Variants in GALNT13 observed in about 807,000 individuals in gnomAD.
GALNT13 encodes polypeptide N-acetylgalactosaminyltransferase 13.
In GALNT13, 28 loss-of-function variants were observed where a neutral mutation model predicts 64.2. The ratio of observed to expected loss-of-function variants is 0.44; its 90% CI spans 0.32 to 0.60. GALNT13 has a LOEUF of 0.60. Among genes scored for constraint, GALNT13 ranks in the 20% least tolerant of loss-of-function variants. GALNT13 has a pLI of 0.05. For synonymous variants in GALNT13, 214 were observed against 224.6 expected (o/e 0.95, Z 0.42); for missense variants, 577 against 669.8 (o/e 0.86, Z 1.53).
chr2:154,162,924 GA>G (rs1684815938), intron 4 of GALNT13, among the ~76,000 whole-genome samples: 1 of 151,196 alleles, frequency 6.6e-6, no homozygotes, highest in African/African-American at 2.4e-5. Context: ...TTATGAAAAA[GA>G]ACAAAACTCT....
chr2:154,199,824 C>T (rs1048958595), intron 4 of GALNT13, among the ~76,000 whole-genome samples: 2 of 151,436 alleles, frequency 1.3e-5, no homozygotes, highest in Non-Finnish European at 2.9e-5. Flanking sequence ...ATTTTTTGGC[C>T]CTAGGGTAAG....
At chr2:154,374,635 A>G (rs750790759) in intron 9 of GALNT13, among the ~76,000 whole-genome samples, 16 of 152,240 alleles carry the variant, frequency 1.1e-4, no homozygotes, top group Non-Finnish European at 2.2e-4. Context: ...GTCATTGCAC[A>G]TAATTGTTTC....
At chr2:153,294,188 G>A in the GALNT13 span, among the ~76,000 whole-genome samples, 1 of 152,070 alleles carries the variant, frequency 6.6e-6, no homozygotes. Context: ...TCAGTCTGGT[G>A]GAGGAGATAT....
chr2:153,101,986 A>T, the GALNT13 span, among the ~76,000 whole-genome samples: 1 of 152,260 alleles, frequency 6.6e-6, no homozygotes, highest in Non-Finnish European at 1.5e-5. Context: ...GCATAGACAT[A>T]AATGCTATAT....
chr2:153,404,639 G>A, the GALNT13 span, among the ~76,000 whole-genome samples: 1 of 151,972 alleles, frequency 6.6e-6, no homozygotes, highest in Non-Finnish European at 1.5e-5. Context: ...ATCCAGGAAG[G>A]AACAATCAAT....
chr2:154,432,986 C>T (rs1700776530), intron 11 of GALNT13, among the ~76,000 whole-genome samples: 1 of 152,138 alleles, frequency 6.6e-6, no homozygotes, highest in African/African-American at 2.4e-5. Flanking sequence ...TTCTAGCTTC[C>T]AGTAAGAGGA....
At chr2:154,173,497 T>C (rs1382858978) in intron 4 of GALNT13, among the ~76,000 whole-genome samples, 1 of 151,916 alleles carries the variant, frequency 6.6e-6, no homozygotes, top group Non-Finnish European at 1.5e-5. Flanking sequence ...TTCTGGAAAG[T>C]ATTTTCTGTG....
chr2:153,886,189 A>G (rs1183496103), intron 1 of GALNT13, among the ~76,000 whole-genome samples: 1 of 151,742 alleles, frequency 6.6e-6, no homozygotes, highest in Non-Finnish European at 1.5e-5. Flanking sequence ...AAAAAAAAAA[A>G]ACAAATTAAC....
chr2:153,951,592 C>T (rs1222457845), intron 3 of GALNT13, among the ~76,000 whole-genome samples: 3 of 152,082 alleles, frequency 2.0e-5, no homozygotes, highest in South Asian at 4.1e-4. Context: ...TGGATTTTTG[C>T]AGAAGTTTGT....
the GALNT13 span, among the ~76,000 whole-genome samples, chr2:153,323,499 T>C: frequency 6.6e-6 from 1 of 152,210 alleles, no homozygotes; most frequent in African/African-American, 2.4e-5. Flanking sequence ...TTTAATTAGA[T>C]CCCATTTGTC....
the GALNT13 span, among the ~76,000 whole-genome samples, chr2:153,546,351 TC>T: frequency 6.6e-6 from 1 of 152,208 alleles, no homozygotes; most frequent in Admixed American, 6.5e-5. Flanking sequence ...ATCATTTTCA[TC>T]CCCTGGATTC....
chr2:154,164,170 A>T (rs1684893182), intron 4 of GALNT13, among the ~76,000 whole-genome samples: 14 of 152,138 alleles, frequency 9.2e-5, no homozygotes. Context: ...CCAACATATG[A>T]GACAGGAAAA....
the GALNT13 span, among the ~76,000 whole-genome samples, chr2:153,215,578 T>C: frequency 6.6e-6 from 1 of 152,102 alleles, no homozygotes; most frequent in African/African-American, 2.4e-5. Context: ...CCAAGTGGCC[T>C]TTCCAAGGAC....
the GALNT13 span, among the ~76,000 whole-genome samples, chr2:153,072,603 T>G: frequency 6.6e-6 from 1 of 152,184 alleles, no homozygotes; most frequent in African/African-American, 2.4e-5. Flanking sequence ...CACTTTTAAT[T>G]TGAATCAGCA....
At chr2:153,781,391 G>A in the GALNT13 span, among the ~76,000 whole-genome samples, 14 of 152,210 alleles carry the variant, frequency 9.2e-5, no homozygotes, top group South Asian at 2.1e-3. Flanking sequence ...AAGAAAATGC[G>A]CTTACATACT....
At chr2:153,506,188 A>G in the GALNT13 span, among the ~76,000 whole-genome samples, 1 of 151,970 alleles carries the variant, frequency 6.6e-6, no homozygotes, top group African/African-American at 2.4e-5. Context: ...GTCCATTTGT[A>G]TGGAATATCT....
chr2:153,107,029 C>T, the GALNT13 span, among the ~76,000 whole-genome samples: 5 of 152,132 alleles, frequency 3.3e-5, no homozygotes, highest in Middle Eastern at 3.4e-3. Context: ...AAATAAAACC[C>T]CTGCTCCCTA....
the GALNT13 span, among the ~76,000 whole-genome samples, chr2:153,777,884 G>A: frequency 2.6e-5 from 4 of 152,298 alleles, no homozygotes; most frequent in South Asian, 4.1e-4. Flanking sequence ...CAAGGACAGA[G>A]GGCTTTTTGT....
the GALNT13 span, among the ~76,000 whole-genome samples, chr2:153,520,116 T>A: frequency 6.6e-6 from 1 of 152,168 alleles, no homozygotes; most frequent in Non-Finnish European, 1.5e-5. Flanking sequence ...CCTGTCTTAC[T>A]AGAAAAAAAA....
Sources: allele counts gnomAD v4.1 joint callset (sites outside exome capture counted in the v4.1 genomes callset), GRCh38; gene constraint gnomAD v4.1.1; transcripts MANE v1.5; gene names NCBI Gene and HGNC (gene_info 2026-07-23, HGNC 2026-07-21).